Variants in CDH18 observed in about 807,000 individuals in gnomAD.
The protein encoded by CDH18 is cadherin-18.
In CDH18, 31 loss-of-function variants were observed where a neutral mutation model predicts 67.9. The observed-to-expected ratio is 0.46, with a 90% confidence interval of 0.34 to 0.62. CDH18 has a LOEUF of 0.62. Ranked by LOEUF, CDH18 falls within the 20% of genes least tolerant of loss-of-function variation. The pLI, the probability that CDH18 is intolerant of heterozygous loss-of-function variation, is 0.01. For missense variants in CDH18, 890 were observed against 975.5 expected (o/e 0.91, Z 1.17); for synonymous variants, 362 against 347.2 (o/e 1.04, Z -0.48).
chr5:20,051,747 C>A (rs1741437360), intron 2 of CDH18, among the ~76,000 whole-genome samples: 1 of 151,970 alleles, frequency 6.6e-6, no homozygotes, highest in East Asian at 1.9e-4. Flanking sequence ...TGGAAATATA[C>A]ATAAGTTGAA....
chr5:20,182,597 CAAAAAAA>C (rs778083062), intron 2 of CDH18, among the ~76,000 whole-genome samples: 1 of 47,426 alleles, frequency 2.1e-5, no homozygotes, highest in African/African-American at 7.8e-5. Flanking sequence ...AGCTAAATCT[CAAAAAAA>C]AAAAAAAAAA....
At chr5:20,117,011 G>A (rs937397302) in intron 2 of CDH18, among the ~76,000 whole-genome samples, 1 of 147,832 alleles carries the variant, frequency 6.8e-6, no homozygotes, top group Non-Finnish European at 1.5e-5. Flanking sequence ...AGAGATAAAT[G>A]TGTGTGTGTG....
intron 1 of CDH18, among the ~76,000 whole-genome samples, chr5:20,322,561 GA>G (rs759750661): frequency 1.6e-4 from 25 of 152,042 alleles, no homozygotes; most frequent in Admixed American, 2.6e-4. Context: ...GTCATGGTAA[GA>G]AATAAATGAG....
chr5:20,042,886 CG>C lies in CDH18; in HGVS notation c.-517-50873del, dbSNP rs574547551. Among the ~76,000 whole-genome samples, 214 of 151,964 alleles carry C rather than the reference CG, an allele frequency of 1.4e-3. 1 individual carries two copies. The highest frequency in any genetic ancestry group is 4.8e-3 in the African/African-American group (199 of 41,476). Reference sequence around the variant, plus strand: ...CTGAGGCAGGAGAATGGCGTGAACCCGGGAGGCAGAGCTTGCAGTGAGCCAA... The same window carrying C: ...CTGAGGCAGGAGAATGGCGTGAACCCGGAGGCAGAGCTTGCAGTGAGCCAA... On this transcript the variant is annotated intron_variant, in intron 2 of 14. Coordinates refer to the CDH18 transcript ENST00000507958.
intron 5 of CDH18, among the ~76,000 whole-genome samples, chr5:19,669,754 A>T (rs1245723274): frequency 6.6e-6 from 1 of 152,176 alleles, no homozygotes; most frequent in Non-Finnish European, 1.5e-5. Flanking sequence ...AATACCCAGC[A>T]ATGACTTTAC....
chr5:20,167,074 C>G (rs901698556), intron 2 of CDH18, among the ~76,000 whole-genome samples: 1 of 151,994 alleles, frequency 6.6e-6, no homozygotes, highest in Non-Finnish European at 1.5e-5. Flanking sequence ...ATGAATCACA[C>G]ACATAAAAAT....
chr5:20,442,874 C>G (rs181039432), intron 1 of CDH18, among the ~76,000 whole-genome samples: 1 of 151,816 alleles, frequency 6.6e-6, no homozygotes, highest in African/African-American at 2.4e-5. Flanking sequence ...TATGTAGACA[C>G]TACTAAAAAG....
chr5:19,975,655 A>G (rs1384055549), intron 2 of CDH18, among the ~76,000 whole-genome samples: 1 of 152,182 alleles, frequency 6.6e-6, no homozygotes, highest in Non-Finnish European at 1.5e-5. Flanking sequence ...ATAAACACAT[A>G]TTAGCTAAGA....
At chr5:20,112,699 G>A (rs977076006) in intron 2 of CDH18, among the ~76,000 whole-genome samples, 23 of 151,824 alleles carry the variant, frequency 1.5e-4, no homozygotes, top group African/African-American at 5.3e-4. Context: ...GGCGATAGAG[G>A]GAGACTCCGT....
At chr5:19,715,314 G>A (rs916951849) in intron 5 of CDH18, among the ~76,000 whole-genome samples, 7 of 152,108 alleles carry the variant, frequency 4.6e-5, no homozygotes, top group Non-Finnish European at 7.4e-5. Context: ...TATATCCTAC[G>A]AAATTCATTG....
chr5:20,548,474 C>T (rs536864571), intron 1 of CDH18, among the ~76,000 whole-genome samples: 2 of 137,048 alleles, frequency 1.5e-5, no homozygotes, highest in South Asian at 4.7e-4. Context: ...TGTATACACA[C>T]ACACAAATGT....
chr5:19,925,400 A>G (rs1294442767), intron 2 of CDH18, among the ~76,000 whole-genome samples: 2 of 152,206 alleles, frequency 1.3e-5, no homozygotes, highest in Non-Finnish European at 2.9e-5. Flanking sequence ...AAAATATGCA[A>G]GAACGCAAGA....
intron 5 of CDH18, among the ~76,000 whole-genome samples, chr5:19,695,162 T>C (rs1323401118): frequency 6.6e-6 from 1 of 152,054 alleles, no homozygotes; most frequent in African/African-American, 2.4e-5. Context: ...GGAAATAGAA[T>C]TATCATTCCA....
chr5:20,227,034 A>G (rs112807238), intron 2 of CDH18, among the ~76,000 whole-genome samples: 1 of 152,068 alleles, frequency 6.6e-6, no homozygotes, highest in Admixed American at 6.6e-5. Flanking sequence ...CTCCATACAC[A>G]ATAGCTTGCC....
chr5:20,057,765 A>G (rs1180754735), intron 2 of CDH18, among the ~76,000 whole-genome samples: 1 of 152,116 alleles, frequency 6.6e-6, no homozygotes, highest in Non-Finnish European at 1.5e-5. Flanking sequence ...AATTTGTTTC[A>G]GCAATTCTGG....
intron 2 of CDH18, among the ~76,000 whole-genome samples, chr5:20,026,597 CAT>C (rs1738921687): frequency 6.6e-6 from 1 of 152,098 alleles, no homozygotes; most frequent in Non-Finnish European, 1.5e-5. Flanking sequence ...CAAAATCAAG[CAT>C]ATGTTTAATG....
At chr5:19,541,077 C>T (rs1412866590) in intron 9 of CDH18, among the ~76,000 whole-genome samples, 2 of 152,122 alleles carry the variant, frequency 1.3e-5, no homozygotes, top group Non-Finnish European at 2.9e-5. Flanking sequence ...TACCCCAAAT[C>T]ATCTCTCTCC....
intron 5 of CDH18, among the ~76,000 whole-genome samples, chr5:19,677,188 A>T (rs1413168785): frequency 6.6e-6 from 1 of 152,116 alleles, no homozygotes; most frequent in Non-Finnish European, 1.5e-5. Context: ...AGGGGACTGC[A>T]TCAGGCTAAC....
chr5:20,550,394 T>C (rs1703043), intron 1 of CDH18, among the ~76,000 whole-genome samples: 60,169 of 152,110 alleles, frequency 0.4, 13,349 homozygotes, highest in East Asian at 0.56. Flanking sequence ...TATAGAATTT[T>C]AGTAATACAA....
Sources: allele counts gnomAD v4.1 joint callset (sites outside exome capture counted in the v4.1 genomes callset), GRCh38; gene constraint gnomAD v4.1.1; transcripts MANE v1.5; gene names NCBI Gene and HGNC (gene_info 2026-07-23, HGNC 2026-07-21).